The following RAPGEF1 variants were observed in gnomAD, a reference collection of about 807,000 sequenced individuals.
RAPGEF1 encodes CRK SH3-binding GNRP.
In RAPGEF1, 33 loss-of-function variants were observed where a neutral mutation model predicts 143.3. The observed-to-expected ratio is 0.23, with a 90% CI of 0.17 to 0.31. RAPGEF1 has a LOEUF of 0.31. Among genes scored for constraint, RAPGEF1 ranks in the 10% least tolerant of loss-of-function variants. The probability of loss-of-function intolerance (pLI) is 1.00; values close to 1 mark genes in which losing one functional copy is unlikely to be tolerated. For missense variants in RAPGEF1, 1,199 were observed against 1,645.4 expected (o/e 0.73, Z 4.69); for synonymous variants, 629 against 676.5 (o/e 0.93, Z 1.09).
Position 131,650,275 on chromosome 9 carries a change from T to A in RAPGEF1, c.202-33A>T. 6.5e-7 allele frequency: 1 copy of A among 1,540,450 alleles called. No homozygotes were observed. The highest frequency in any genetic ancestry group is 8.9e-7 in the Non-Finnish European group (1 of 1,119,846). On this transcript the variant is annotated intron_variant, in intron 2 of 26. Transcript: ENST00000683357. The surrounding 1 kb of genome is among the most constrained non-coding windows in gnomAD (Gnocchi z 4.7). ...AGAGGAAACCTGGATTCCTACAGAG[T>A]TTGAAATGGCTGTTTGAGGCCGAAG... is the stretch of plus-strand genomic sequence containing the variant.
chr9:131,703,780 G>A (rs1834842458), intron 1 of RAPGEF1, among the ~76,000 whole-genome samples: 1 of 152,228 alleles, frequency 6.6e-6, no homozygotes, highest in African/African-American at 2.4e-5. Flanking sequence ...ATGAAAGGCA[G>A]TGACCACTGC....
chr9:131,730,193 C>CAAAAAAA (rs57402366), intron 1 of RAPGEF1, among the ~76,000 whole-genome samples: 3 of 66,996 alleles, frequency 4.5e-5, no homozygotes, highest in Admixed American at 2.0e-4. Context: ...GACTCCCTCT[C>CAAAAAAA]AAAAAAAAAA....
intron 25 of RAPGEF1, among the ~76,000 whole-genome samples, chr9:131,581,494 G>C (rs13297083): frequency 0.14 from 21,828 of 151,408 alleles, 1,770 homozygotes; most frequent in Middle Eastern, 0.3. Flanking sequence ...TTTGAGACTA[G>C]CCTGGCCAAC....
chr9:131,694,064 C>T (rs925568677), intron 1 of RAPGEF1, among the ~76,000 whole-genome samples: 1 of 152,172 alleles, frequency 6.6e-6, no homozygotes, highest in African/African-American at 2.4e-5. Context: ...CCCTCTCCCA[C>T]CTCTGCCTCA....
At chr9:131,711,213 G>A (rs1316908527) in intron 1 of RAPGEF1, among the ~76,000 whole-genome samples, 1 of 151,540 alleles carries the variant, frequency 6.6e-6, no homozygotes, top group Non-Finnish European at 1.5e-5. Context: ...ACCTCGCCTG[G>A]CTAATTTTTA....
rs1187862679 is a variant in RAPGEF1, at chr9:131,625,858, T to C, written c.1702+64A>G. On this transcript the variant is annotated intron_variant, in intron 10 of 26. Transcript: ENST00000683357. ...ATTTGATTCTGGTCTAATGCTGAAA[T>C]AAAACATACTGCCATTTCAGGTTAT... The C allele has an allele frequency of 1.0e-5, 15 of 1,497,832 alleles. No individual in the cohort carries two copies. In the Admixed American group the frequency reaches 1.8e-4, roughly 18 times the overall value. 92.8% of individuals were successfully genotyped at this position (1,497,832 alleles called of 1,614,324 possible). A position where few individuals can be genotyped will look rare whatever the true frequency, so the allele number is the denominator to read the frequency against.
chr9:131,636,121 T>A (rs1386439905), intron 5 of RAPGEF1, among the ~76,000 whole-genome samples: 3 of 152,226 alleles, frequency 2.0e-5, no homozygotes, highest in African/African-American at 7.2e-5. Flanking sequence ...CATCACACCC[T>A]GTGCCATCTT....
chr9:131,716,312 A>C (rs1835860508), intron 1 of RAPGEF1, among the ~76,000 whole-genome samples: 1 of 152,260 alleles, frequency 6.6e-6, no homozygotes, highest in South Asian at 2.1e-4. Flanking sequence ...ACTGAAGGGC[A>C]ATCAGGGCTC....
At chr9:131,710,948 C>CCTCCT (rs1215889443) in intron 1 of RAPGEF1, among the ~76,000 whole-genome samples, 1 of 152,164 alleles carries the variant, frequency 6.6e-6, no homozygotes, top group East Asian at 1.9e-4. Flanking sequence ...GGGCATAATT[C>CCTCCT]CAGTCTCACC....
intron 1 of RAPGEF1, among the ~76,000 whole-genome samples, chr9:131,724,992 C>T (rs187583903): frequency 4.6e-4 from 70 of 152,330 alleles, no homozygotes; most frequent in African/African-American, 1.6e-3. Flanking sequence ...AGAAGGGGCA[C>T]GGAGCCTCCA....
chr9:131,736,494 A>G (rs1837423506), intron 1 of RAPGEF1, among the ~76,000 whole-genome samples: 1 of 152,246 alleles, frequency 6.6e-6, no homozygotes, highest in Non-Finnish European at 1.5e-5. Flanking sequence ...GGATATACAT[A>G]GGTATGGATG....
At chr9:131,666,802 T>C (rs1830508874) in intron 1 of RAPGEF1, among the ~76,000 whole-genome samples, 1 of 152,262 alleles carries the variant, frequency 6.6e-6, no homozygotes, top group Non-Finnish European at 1.5e-5. Flanking sequence ...CTGTGGATTT[T>C]ATACTTCAGC....
intron 12 of RAPGEF1, among the ~76,000 whole-genome samples, chr9:131,609,156 T>A (rs549026585): frequency 6.6e-6 from 1 of 151,928 alleles, no homozygotes. Context: ...CCTGGTCACA[T>A]AGCCAGTCGA....
intron 1 of RAPGEF1, among the ~76,000 whole-genome samples, chr9:131,698,832 T>C (rs529804192): frequency 6.6e-6 from 1 of 152,294 alleles, no homozygotes; most frequent in South Asian, 2.1e-4. Context: ...TGAGGAACCC[T>C]AGGCAAGACC....
chr9:131,609,564 G>A (rs141687468), intron 12 of RAPGEF1, among the ~76,000 whole-genome samples: 34 of 152,298 alleles, frequency 2.2e-4, no homozygotes, highest in South Asian at 8.3e-4. Context: ...CCAGGATGGA[G>A]AGAGGGGTGC....
At chr9:131,706,222 T>C (rs1263679047) in intron 1 of RAPGEF1, among the ~76,000 whole-genome samples, 2 of 151,776 alleles carry the variant, frequency 1.3e-5, no homozygotes, top group Non-Finnish European at 2.9e-5. Flanking sequence ...CCACGTTGAA[T>C]GTGGGCTGCA....
chr9:131,590,979 A>G (rs1954130765), intron 18 of RAPGEF1, among the ~76,000 whole-genome samples: 1 of 152,250 alleles, frequency 6.6e-6, no homozygotes, highest in Non-Finnish European at 1.5e-5. Context: ...GTAATTTTAT[A>G]CACACCCACA....
intron 3 of RAPGEF1, among the ~76,000 whole-genome samples, chr9:131,647,940 G>C (rs776491191): frequency 3.3e-5 from 5 of 152,178 alleles, no homozygotes; most frequent in Non-Finnish European, 7.3e-5. Context: ...CTACCCACTA[G>C]AAGCCAATAA....
At chr9:131,640,292 T>G (rs1161382827) in intron 4 of RAPGEF1, among the ~76,000 whole-genome samples, 1 of 152,198 alleles carries the variant, frequency 6.6e-6, no homozygotes, top group Non-Finnish European at 1.5e-5. Context: ...CTTCCCCTGA[T>G]GTGCTGTAGG....
Sources: allele counts gnomAD v4.1 joint callset (sites outside exome capture counted in the v4.1 genomes callset), GRCh38; gene constraint gnomAD v4.1.1; non-coding constraint Gnocchi (gnomAD v3.1); transcripts MANE v1.5; gene names NCBI Gene and HGNC (gene_info 2026-07-23, HGNC 2026-07-21).